EDEM2: variants seen among roughly 807,000 people sequenced by gnomAD.
EDEM2 encodes ER degradation enhancing alpha-mannosidase like protein 2.
EDEM2 carries 39 observed loss-of-function variants against 64.8 expected under a neutral mutation model. The observed-to-expected ratio is 0.60, with a 90% CI of 0.47 to 0.79. EDEM2 has a LOEUF of 0.79. Among genes scored for constraint, EDEM2 ranks in the 30% least tolerant of loss-of-function variants. The pLI is 0.00. For synonymous variants in EDEM2, 296 were observed against 291.5 expected (o/e 1.02, Z -0.16); for missense variants, 609 against 731.3 (o/e 0.83, Z 1.93).
At chr20:35,120,276 T>C (rs61298990) in intron 9 of EDEM2, among the ~76,000 whole-genome samples, 9,634 of 152,262 alleles carry the variant, frequency 0.063, 1,055 homozygotes, top group African/African-American at 0.22. Context: ...TTGGCCAGGC[T>C]GGTCTCAAAC....
intron 4 of EDEM2, among the ~76,000 whole-genome samples, chr20:35,141,619 T>A (rs915514237): frequency 6.6e-6 from 1 of 152,188 alleles, no homozygotes; most frequent in Non-Finnish European, 1.5e-5. Context: ...AACTCTGCCA[T>A]CCAGAGGTGA....
chr20:35,138,948 G>A (rs999529409), intron 4 of EDEM2, among the ~76,000 whole-genome samples: 3 of 152,034 alleles, frequency 2.0e-5, no homozygotes, highest in South Asian at 2.1e-4. Flanking sequence ...ATCCTGAGTG[G>A]CCCTCTCAAT....
intron 6 of EDEM2, chr20:35,133,988 T>C (rs538822587): frequency 1.6e-4 from 66 of 414,542 alleles, no homozygotes; most frequent in African/African-American, 8.0e-4. Context: ...ACAGTTTCGA[T>C]GTAGCAAGGC....
Position 35,126,374 on chromosome 20 carries a change from C to T in EDEM2, c.846G>A (p.Glu282=). 1.9e-6 allele frequency: 3 copies of T among 1,613,734 alleles called. No individual in the cohort carries two copies. The highest frequency in any genetic ancestry group is 2.5e-6 in the Non-Finnish European group (3 of 1,179,932). The change falls in exon 8 of 11, where the codon GAG becomes GAA. Residue 282 remains glutamate, a splice_region_variant and synonymous_variant. Coordinates refer to ENST00000374492, the MANE Select transcript of EDEM2 (RefSeq NM_018217.3). ...QDKKLMAMFL[E]YNKAIRNYTR... ...TGTAGTTCCGGATGGCTTTGTTATA[C>T]TCTGCAGTGGGGGAGATGGGATAAT... is the stretch of plus-strand genomic sequence containing the variant.
intron 7 of EDEM2, 140 bp from the exon 8 acceptor site, chr20:35,126,515 A>T (rs1350445592): frequency 9.5e-7 from 1 of 1,047,150 alleles, no homozygotes; most frequent in Non-Finnish European, 1.4e-6. Context: ...AAGAGCATGG[A>T]TTCTGGAGTC....
intron 8 of EDEM2, among the ~76,000 whole-genome samples, chr20:35,124,734 T>G (rs969471971): frequency 6.6e-6 from 1 of 152,194 alleles, no homozygotes; most frequent in African/African-American, 2.4e-5. Flanking sequence ...TATATGTTAT[T>G]TTCCCCACAC....
intron 6 of EDEM2, among the ~76,000 whole-genome samples, chr20:35,133,498 C>A (rs1275131168): frequency 6.6e-6 from 1 of 150,778 alleles, no homozygotes; most frequent in African/African-American, 2.4e-5. Context: ...TGGAGTTTCG[C>A]TCTTGTTGCC....
intron 6 of EDEM2, among the ~76,000 whole-genome samples, chr20:35,132,393 C>T (rs949918044): frequency 2.0e-5 from 3 of 151,898 alleles, no homozygotes; most frequent in Non-Finnish European, 4.4e-5. Context: ...TGGCTCATGC[C>T]TATAATCCCA....
intron 9 of EDEM2, among the ~76,000 whole-genome samples, chr20:35,119,855 G>C (rs1274078738): frequency 1.3e-5 from 2 of 152,134 alleles, no homozygotes; most frequent in African/African-American, 4.8e-5. Flanking sequence ...TCAAATACCT[G>C]AAGAACTGTT....
intron 3 of EDEM2, among the ~76,000 whole-genome samples, chr20:35,144,559 CCT>C (rs2085702864): frequency 6.6e-6 from 1 of 152,114 alleles, no homozygotes; most frequent in Non-Finnish European, 1.5e-5. Context: ...GTCTCAAACC[CCT>C]GACCTCAGGT....
chr20:35,131,586 A>C, intron 7 of EDEM2, 56 bp downstream of exon 7: 1 of 1,591,750 alleles, frequency 6.3e-7, no homozygotes, highest in Non-Finnish European at 8.6e-7. Context: ...TTTTAAACAA[A>C]TCACACATCA....
At position 35,142,373 on chromosome 20, in the gene EDEM2, C is replaced by G; in HGVS notation, c.364G>C (p.Val122Leu). 6.2e-7 allele frequency: 1 copy of G among 1,612,432 alleles called. No individual in the cohort carries two copies. Among genetic ancestry groups the G allele is most frequent in the Non-Finnish European group, 8.5e-7 (1 of 1,178,720 alleles). ...AAAGGTCCTAGAGAGCAGCCCTTAC[C>G]TCGAATGTTTGTTTCAAACACAGAG... ...NASVFETNIR[V>L]VGGLLSAHLL... The change falls in exon 4 of 11, where the codon GTG (valine) becomes CTG (leucine). Residue 122 changes from valine (V) to leucine (L), a missense_variant and splice_region_variant. Coordinates refer to ENST00000374492, the MANE Select transcript of EDEM2 (RefSeq NM_018217.3).
intron 7 of EDEM2, among the ~76,000 whole-genome samples, chr20:35,130,544 T>C (rs879392473): frequency 2.0e-5 from 3 of 152,170 alleles, no homozygotes; most frequent in Non-Finnish European, 4.4e-5. Context: ...TCTTTGTTTT[T>C]TTAGAGAGGG....
chr20:35,132,543 ACTCAGGAG>A (rs2085519046), intron 6 of EDEM2, among the ~76,000 whole-genome samples: 1 of 152,046 alleles, frequency 6.6e-6, no homozygotes, highest in Non-Finnish European at 1.5e-5. Flanking sequence ...AATCCCAGCT[ACTCAGGAG>A]GCAGAGGCAT....
At chr20:35,137,316 G>A (rs2085590225) in intron 5 of EDEM2, among the ~76,000 whole-genome samples, 1 of 152,152 alleles carries the variant, frequency 6.6e-6, no homozygotes, top group African/African-American at 2.4e-5. Flanking sequence ...CTACTCAAGA[G>A]GCTGAAGCAA....
chr20:35,134,900 A>G lies in EDEM2; in HGVS notation c.540T>C (p.His180=), dbSNP rs1321178819. The change falls in exon 6 of 11, where the codon CAT becomes CAC. Residue 180 remains histidine, a synonymous_variant. Transcript: ENST00000374492. ...GMPYGTVNLL[H]GVNPGETPVT... ...CAGGGGTCTCTCCTGGGTTCACGCC[A>G]TGAAGTAAGTTCACTGTTCCATATG... is the stretch of plus-strand genomic sequence containing the variant. 1 of 1,614,208 alleles carries G rather than the reference A, an allele frequency of 6.2e-7. No homozygotes were observed.
At chr20:35,146,990 GA>G in intron 1 of EDEM2, 55 bp from the exon 2 acceptor site, 1 of 1,582,478 alleles carries the variant, frequency 6.3e-7, no homozygotes, top group African/African-American at 1.3e-5. Context: ...ACAAGCGGGG[GA>G]AGAACAAGAT....
At chr20:35,124,185 G>C in intron 8 of EDEM2, 151 bp from the exon 9 acceptor site, 2 of 910,246 alleles carry the variant, frequency 2.2e-6, no homozygotes, top group Non-Finnish European at 3.2e-6. Context: ...GCTGAGCCAG[G>C]CACTGGACTT....
At chr20:35,117,277 C>T (rs2085320473) in intron 10 of EDEM2, 1 of 152,206 alleles carries the variant, frequency 6.6e-6, no homozygotes, top group South Asian at 2.1e-4. Context: ...TTGCTACAAA[C>T]ATTTATTTTA....
Sources: gnomAD v4.1 joint callset for allele counts (sites outside exome capture counted in the v4.1 genomes callset) on GRCh38, gnomAD v4.1.1 for gene constraint, MANE v1.5 for transcripts, NCBI Gene and HGNC (gene_info 2026-07-23, HGNC 2026-07-21) for gene names.